CADM2: variants seen among roughly 807,000 people sequenced by gnomAD.
CADM2 encodes cell adhesion molecule 2, also known as immunoglobulin superfamily member 4D.
A neutral mutation model predicts 49.8 loss-of-function variants in CADM2; 12 were observed. The observed-to-expected ratio is 0.24, with a 90% CI of 0.15 to 0.39. The LOEUF (loss-of-function observed/expected upper bound fraction) is 0.39, where lower values mean the gene tolerates loss of function less well. Ranked by LOEUF, CADM2 falls within the 10% of genes least tolerant of loss-of-function variation. The pLI is 1.00. For synonymous variants in CADM2, 214 were observed against 175.4 expected (o/e 1.22, Z -1.74); for missense variants, 378 against 492.3 (o/e 0.77, Z 2.20).
chr3:85,958,539 C>T (rs1293736944), intron 7 of CADM2, among the ~76,000 whole-genome samples: 1 of 151,932 alleles, frequency 6.6e-6, no homozygotes, highest in African/African-American at 2.4e-5. Flanking sequence ...CCAGCAATCC[C>T]ATTATTGGGT....
intron 1 of CADM2, among the ~76,000 whole-genome samples, chr3:85,399,371 A>T (rs1274273775): frequency 4.0e-5 from 6 of 151,520 alleles, no homozygotes; most frequent in African/African-American, 1.5e-4. Context: ...TACCAGTACC[A>T]TGCTGTAGCC....
intron 2 of CADM2, among the ~76,000 whole-genome samples, chr3:85,742,619 G>C (rs1250429437): frequency 1.3e-5 from 2 of 152,266 alleles, no homozygotes; most frequent in East Asian, 3.9e-4. Context: ...GAGAAATCAT[G>C]AAATATAATT....
intron 1 of CADM2, among the ~76,000 whole-genome samples, chr3:84,977,848 G>A (rs2031928459): frequency 1.3e-5 from 2 of 152,054 alleles, no homozygotes; most frequent in Admixed American, 1.3e-4. Flanking sequence ...TAATTCCTAA[G>A]GTGTCAATCA....
At chr3:85,861,964 A>T (rs1174536430) in intron 3 of CADM2, among the ~76,000 whole-genome samples, 1 of 152,136 alleles carries the variant, frequency 6.6e-6, no homozygotes, top group Non-Finnish European at 1.5e-5. Context: ...CCTCATATTG[A>T]CATCCCTTCC....
intron 1 of CADM2, among the ~76,000 whole-genome samples, chr3:85,444,159 C>T (rs996350153): frequency 1.3e-5 from 2 of 152,164 alleles, no homozygotes; most frequent in African/African-American, 4.8e-5. Flanking sequence ...AGAACTTGTA[C>T]TCTGACATAA....
chr3:85,773,086 A>T (rs1466500838), intron 2 of CADM2, among the ~76,000 whole-genome samples: 1 of 151,994 alleles, frequency 6.6e-6, no homozygotes, highest in Non-Finnish European at 1.5e-5. Flanking sequence ...TGATCCCAAG[A>T]GTGGGCCTCT....
intron 1 of CADM2, among the ~76,000 whole-genome samples, chr3:85,043,491 G>A (rs1256050346): frequency 6.6e-6 from 1 of 151,762 alleles, no homozygotes; most frequent in East Asian, 1.9e-4. Flanking sequence ...ACCAACATGG[G>A]CAACTTCGTA....
At chr3:86,006,191 T>A (rs1730769002) in intron 8 of CADM2, among the ~76,000 whole-genome samples, 1 of 152,226 alleles carries the variant, frequency 6.6e-6, no homozygotes, top group Non-Finnish European at 1.5e-5. Context: ...GACCAGGAAT[T>A]ATTTTACTAC....
Position 84,959,005 on chromosome 3 carries a change from C to A in CADM2, c.-603C>A. 1 of 201,384 alleles carries A rather than the reference C, an allele frequency of 5.0e-6. No individual in the cohort carries two copies. Among genetic ancestry groups the A allele is most frequent in the Non-Finnish European group, 9.9e-6 (1 of 101,134 alleles). 12.5% of individuals were successfully genotyped at this position (201,384 alleles called of 1,614,324 possible). ...TGGTGCTTCGTAGAGCTGCCGCCGT[C>A]GCCGCTGCCGCTGCCGCCACAGCCG... On this transcript the variant is annotated 5_prime_UTR_variant, in exon 1 of 10. Transcript: ENST00000383699.
chr3:85,621,575 A>T (rs1389361730), intron 1 of CADM2, among the ~76,000 whole-genome samples: 1 of 152,158 alleles, frequency 6.6e-6, no homozygotes, highest in East Asian at 1.9e-4. Context: ...GTTCAATGCG[A>T]TTACTCTGCT....
intron 1 of CADM2, among the ~76,000 whole-genome samples, chr3:85,031,301 G>A (rs762081608): frequency 9.2e-5 from 14 of 152,308 alleles, no homozygotes; most frequent in Non-Finnish European, 1.8e-4. Flanking sequence ...CAGCCTTGCA[G>A]GGCATAGCGC....
At chr3:85,977,822 C>T (rs7616471) in intron 8 of CADM2, among the ~76,000 whole-genome samples, 9 of 151,434 alleles carry the variant, frequency 5.9e-5, no homozygotes, top group African/African-American at 2.2e-4. Context: ...GAAGCATTTT[C>T]CCTGTCGAAA....
intron 1 of CADM2, among the ~76,000 whole-genome samples, chr3:85,687,640 T>C (rs768818857): frequency 1.3e-5 from 2 of 152,170 alleles, no homozygotes; most frequent in Non-Finnish European, 2.9e-5. Flanking sequence ...CTACTTATTG[T>C]AAGAGGAAGA....
intron 1 of CADM2, among the ~76,000 whole-genome samples, chr3:85,299,108 C>T (rs2044033907): frequency 6.6e-6 from 1 of 151,990 alleles, no homozygotes; most frequent in Non-Finnish European, 1.5e-5. Context: ...CTGTTCCTAT[C>T]TCTTTTGCTT....
At chr3:85,708,286 A>T (rs2067009105) in intron 1 of CADM2, among the ~76,000 whole-genome samples, 1 of 152,074 alleles carries the variant, frequency 6.6e-6, no homozygotes, top group Admixed American at 6.6e-5. Flanking sequence ...TTTTTAATTT[A>T]ATCTAGATAC....
chr3:85,326,397 G>A (rs2044751777), intron 1 of CADM2, among the ~76,000 whole-genome samples: 1 of 152,014 alleles, frequency 6.6e-6, no homozygotes, highest in Non-Finnish European at 1.5e-5. Flanking sequence ...TGACTGAGTT[G>A]AATAGTCTTT....
At chr3:85,898,788 T>G (rs1715631983) in intron 5 of CADM2, among the ~76,000 whole-genome samples, 1 of 151,040 alleles carries the variant, frequency 6.6e-6, no homozygotes, top group Non-Finnish European at 1.5e-5. Context: ...GGGTACAATT[T>G]TGTATGGCCA....
intron 2 of CADM2, among the ~76,000 whole-genome samples, chr3:85,728,887 G>C (rs1376982652): frequency 6.6e-6 from 1 of 152,086 alleles, no homozygotes; most frequent in Non-Finnish European, 1.5e-5. Flanking sequence ...AGTTCATTGA[G>C]AATCAGTCAG....
chr3:85,882,794 C>A (rs778531258), intron 3 of CADM2, among the ~76,000 whole-genome samples: 3 of 152,122 alleles, frequency 2.0e-5, no homozygotes, highest in Non-Finnish European at 2.9e-5. Flanking sequence ...TTTACAGGTG[C>A]CTTTCTGCTC....
Sources: allele counts gnomAD v4.1 joint callset (sites outside exome capture counted in the v4.1 genomes callset), GRCh38; gene constraint gnomAD v4.1.1; transcripts MANE v1.5; gene names NCBI Gene and HGNC (gene_info 2026-07-23, HGNC 2026-07-21).